The following COL6A5 variants were observed in gnomAD, a reference collection of about 807,000 sequenced individuals.
COL6A5 encodes the protein collagen alpha-5(VI) chain.
In COL6A5, 48 loss-of-function variants were observed where a neutral mutation model predicts 65.6. The observed-to-expected ratio is 0.73, with a 90% CI of 0.58 to 0.93. The LOEUF is 0.93. Ranked by LOEUF, COL6A5 falls within the 40% of genes least tolerant of loss-of-function variation. The probability of loss-of-function intolerance (pLI) is 0.00; values close to 1 mark genes in which losing one functional copy is unlikely to be tolerated. For synonymous variants in COL6A5, 291 were observed against 322.8 expected (o/e 0.90, Z 1.05); for missense variants, 914 against 928.3 (o/e 0.98, Z 0.20).
At chr3:130,394,174 C>T (rs1443829266) in intron 7 of COL6A5, among the ~76,000 whole-genome samples, 5 of 152,150 alleles carry the variant, frequency 3.3e-5, no homozygotes, top group Admixed American at 3.3e-4. Context: ...ACCTTATGCT[C>T]TGTTTACCAG....
chr3:130,482,770 A>G (rs1710282964), intron 7 of COL6A5, among the ~76,000 whole-genome samples: 1 of 152,104 alleles, frequency 6.6e-6, no homozygotes, highest in Non-Finnish European at 1.5e-5. Flanking sequence ...CATCCCTTGT[A>G]AGTTGTATTC....
At chr3:130,455,647 A>C (rs775487638) in exon 5 of COL6A5, 1 of 1,612,224 alleles carries the variant, frequency 6.2e-7, no homozygotes. Flanking sequence ...AATCTGCAGA[A>C]ATTGCAAGTC....
chr3:130,415,687 CA>C (rs1452023208), exon 23 of COL6A5: 11 of 1,548,422 alleles, frequency 7.1e-6, no homozygotes, highest in Admixed American at 5.9e-5. Flanking sequence ...AAAAGGAAGC[CA>C]GGGGCAGAAA....
At position 130,394,883 on chromosome 3, in the gene COL6A5, A is replaced by G. The variant is rs765329971; in HGVS notation, c.2993-7A>G. ...AGGAAAATAATTTATTCTTTTTTCT[A>G]TTGCAGTCTGTCATCTTCAGGAAGC... is the stretch of plus-strand genomic sequence containing the variant. On this transcript the variant is annotated splice_region_variant and splice_polypyrimidine_tract_variant and intron_variant and NMD_transcript_variant, in intron 7 of 41. Coordinates refer to the COL6A5 transcript ENST00000312481. 2.0e-6 allele frequency: 3 copies of G among 1,538,246 alleles called. No individual in the cohort carries two copies. The highest frequency in any genetic ancestry group is 8.8e-7 in the Non-Finnish European group (1 of 1,141,704).
intron 1 of COL6A5, among the ~76,000 whole-genome samples, chr3:130,358,733 A>G (rs1935009230): frequency 6.6e-6 from 1 of 152,182 alleles, no homozygotes; most frequent in East Asian, 1.9e-4. Context: ...TCCTGAGGGA[A>G]AATATGATTT....
intron 17 of COL6A5, among the ~76,000 whole-genome samples, chr3:130,408,272 G>A (rs1937064231): frequency 6.6e-6 from 1 of 150,908 alleles, no homozygotes; most frequent in Non-Finnish European, 1.5e-5. Flanking sequence ...CCCGGTGTGG[G>A]GGTGGTGGCA....
chr3:130,463,633 C>T (rs919996137), intron 5 of COL6A5, among the ~76,000 whole-genome samples: 2 of 152,084 alleles, frequency 1.3e-5, no homozygotes, highest in Non-Finnish European at 2.9e-5. Flanking sequence ...GCTCCCCTTC[C>T]TCTGCCATTC....
At chr3:130,409,342 G>C in exon 18 of COL6A5, 3 of 1,545,672 alleles carry the variant, frequency 1.9e-6, no homozygotes, top group Non-Finnish European at 2.6e-6. Flanking sequence ...CCAGGTTCCA[G>C]AGGTGCCCCT....
exon 6 of COL6A5, chr3:130,469,063 C>T (rs1008706135): frequency 6.2e-7 from 1 of 1,612,714 alleles, no homozygotes; most frequent in African/African-American, 1.3e-5. Context: ...CTGAAGAATG[C>T]CCTGTCTACC....
At chr3:130,412,509 A>G (rs984617815) in intron 20 of COL6A5, among the ~76,000 whole-genome samples, 1 of 152,240 alleles carries the variant, frequency 6.6e-6, no homozygotes, top group Non-Finnish European at 1.5e-5. Flanking sequence ...ACCATTGTGC[A>G]TATAGTCTGT....
At chr3:130,345,935 G>C in exon 1 of COL6A5, 1 of 398,654 alleles carries the variant, frequency 2.5e-6, no homozygotes, top group Non-Finnish European at 4.4e-6. Flanking sequence ...GGAGAGTTGG[G>C]GGCGGTTTCC....
chr3:130,454,296 A>G lies in COL6A5; in HGVS notation c.1333-1159A>G, dbSNP rs114716208. Among the ~76,000 whole-genome samples the G allele has an allele frequency of 8.8e-3, 1,345 of 152,280 alleles. 7 individuals carry two copies. Among genetic ancestry groups the G allele is most frequent in the Non-Finnish European group, 0.015 (989 of 68,000 alleles). On this transcript the variant is annotated intron_variant, in intron 4 of 7. Coordinates refer to ENST00000512836, the Ensembl canonical transcript of COL6A5. The stretch of plus-strand genomic sequence containing the variant: ...AAAATATGGTGCATGCTGCAGAAGA[A>G]CGTCTACATGCAGCTTGCCTCCTCT...
intron 1 of COL6A5, 33 bp downstream of exon 33, chr3:130,431,982 T>G (rs781145683): frequency 3.0e-4 from 467 of 1,541,736 alleles, no homozygotes; most frequent in Non-Finnish European, 4.0e-4. Context: ...TCTTTAATTT[T>G]AAGATAGAGG....
intron 5 of COL6A5, among the ~76,000 whole-genome samples, chr3:130,461,315 A>G (rs1431626624): frequency 1.3e-5 from 2 of 152,110 alleles, no homozygotes; most frequent in Non-Finnish European, 2.9e-5. Context: ...AAAGTATTGC[A>G]TACACTGTAT....
chr3:130,410,197 T>A (rs746718669), intron 19 of COL6A5, 123 bp downstream of exon 19: 1 of 736,976 alleles, frequency 1.4e-6, no homozygotes, highest in Non-Finnish European at 2.2e-6. Context: ...AAAAGACCTT[T>A]ATTTTTTGAT....
At chr3:130,391,489 C>T in exon 7 of COL6A5, 3 of 1,551,716 alleles carry the variant, frequency 1.9e-6, no homozygotes, top group Non-Finnish European at 2.6e-6. Context: ...AGGAACATGG[C>T]AGCCGCATCA....
intron 1 of COL6A5, among the ~76,000 whole-genome samples, chr3:130,356,112 G>A (rs901774758): frequency 2.6e-5 from 4 of 151,926 alleles, no homozygotes; most frequent in African/African-American, 4.8e-5. Context: ...ACCAGGTACC[G>A]ACAGAAATTG....
intron 7 of COL6A5, among the ~76,000 whole-genome samples, chr3:130,483,637 A>C (rs1710305870): frequency 1.3e-5 from 2 of 152,320 alleles, no homozygotes; most frequent in South Asian, 4.1e-4. Flanking sequence ...AGGGAGGCCC[A>C]GAAGGGGAAG....
upstream of COL6A5, among the ~76,000 whole-genome samples, chr3:130,430,448 G>A (rs1937753765): frequency 6.6e-6 from 1 of 152,118 alleles, no homozygotes; most frequent in Non-Finnish European, 1.5e-5. Context: ...AATATGCTTT[G>A]GGAGTTAGCC....
Sources: gnomAD v4.1 joint callset for allele counts (sites outside exome capture counted in the v4.1 genomes callset) on GRCh38, gnomAD v4.1.1 for gene constraint, MANE v1.5 for transcripts, NCBI Gene and HGNC (gene_info 2026-07-23, HGNC 2026-07-21) for gene names.